HEATR1: variants seen among roughly 807,000 people sequenced by gnomAD.
The protein encoded by HEATR1 is HEAT repeat containing 1.
In HEATR1, 77 loss-of-function variants were observed where a neutral mutation model predicts 248.2. That is an observed-to-expected ratio of 0.31 (90% CI 0.26 to 0.37). The LOEUF is 0.37. Ranked by LOEUF, HEATR1 falls within the 10% of genes least tolerant of loss-of-function variation. The pLI, the probability that HEATR1 is intolerant of heterozygous loss-of-function variation, is 1.00. For missense variants in HEATR1, 2,420 were observed against 2,504.9 expected, an observed-to-expected ratio of 0.97 and a Z score of 0.72; for synonymous variants, 897 against 923.1, an observed-to-expected ratio of 0.97 and a Z score of 0.51.
chr1:236,602,562 G>A (rs1213138270), intron 3 of HEATR1, among the ~76,000 whole-genome samples: 2 of 152,186 alleles, frequency 1.3e-5, no homozygotes, highest in Non-Finnish European at 1.5e-5. Flanking sequence ...CAAGAAAGCA[G>A]CTTAGTACTC....
At chr1:236,584,996 C>G (rs1663845279) in intron 17 of HEATR1, 29 bp downstream of exon 17, 1 of 1,582,124 alleles carries the variant, frequency 6.3e-7, no homozygotes, top group African/African-American at 1.4e-5. Context: ...ATTCAACATC[C>G]CACTTTCTGG....
At chr1:236,558,610 T>A in intron 35 of HEATR1, 81 bp from the exon 36 acceptor site, 3 of 1,396,216 alleles carry the variant, frequency 2.1e-6, no homozygotes, top group Non-Finnish European at 2.9e-6. Flanking sequence ...CAGCTTGAGA[T>A]TGTCTAAATG....
rs762570268 is a variant in HEATR1 at position 236,604,061 on chromosome 1, G to A, written c.35C>T (p.Ala12Val). The A allele has an allele frequency of 2.5e-6, 4 of 1,581,280 alleles. No individual in the cohort carries two copies. Among genetic ancestry groups the A allele is most frequent in the East Asian group, 2.3e-5 (1 of 43,124 alleles). The change falls in exon 2 of 45, where the codon GCC becomes GTC. Residue 12 changes from alanine to valine, a missense_variant. Coordinates refer to ENST00000366582, the MANE Select transcript of HEATR1 (RefSeq NM_018072.6). ...GAGGCTGGCATCACTTTGAGGGAGGGCGAGTCGTTGCAGCTGCTGGGCTAA... is the reference window on the plus strand; with the variant it reads ...GAGGCTGGCATCACTTTGAGGGAGGACGAGTCGTTGCAGCTGCTGGGCTAA... Reference protein sequence around the residue: ...TSLAQQLQRLALPQSDASLLS... With the variant: ...TSLAQQLQRLVLPQSDASLLS...
chr1:236,571,545 C>T (rs376898856), intron 27 of HEATR1, 23 bp downstream of exon 27: 149 of 1,612,870 alleles, frequency 9.2e-5, no homozygotes, highest in Middle Eastern at 6.6e-4. Flanking sequence ...TTTTTCTAAC[C>T]TTTCCTTCCA....
rs528254758 is a variant in HEATR1 at position 236,598,184 on chromosome 1, A to G, written c.502-205T>C. 9.8e-5 allele frequency among the ~76,000 whole-genome samples: 15 copies of G among 152,370 alleles called. 1 individual carries two copies. In the South Asian group the frequency reaches 3.1e-3, roughly 32 times the overall value. On this transcript the variant is annotated intron_variant, in intron 4 of 44. Coordinates refer to ENST00000366582, the MANE Select transcript of HEATR1 (RefSeq NM_018072.6). ...AAAAGAGAAGGTCAGCAATGAGGGC[A>G]GAGGTATTTAGTGAAAGATGTTTGC... is the stretch of plus-strand genomic sequence containing the variant.
chr1:236,574,602 C>A, intron 23 of HEATR1, 59 bp downstream of exon 23: 1 of 1,532,542 alleles, frequency 6.5e-7, no homozygotes, highest in East Asian at 2.3e-5. Flanking sequence ...GTTCCTGTTG[C>A]CTTCTACCTT....
rs138103327 is a variant in HEATR1, at chr1:236,578,893, G to T, written c.2756-1944C>A. On this transcript the variant is annotated intron_variant, in intron 20 of 44. Transcript: ENST00000366582. The stretch of plus-strand genomic sequence containing the variant: ...GCATCTGTGAGACCAACTGCGCTAG[G>T]GTTTTTAAAAAGATGTCTTTGGAAC... Among the ~76,000 whole-genome samples the T allele has an allele frequency of 1.2e-3, 176 of 151,686 alleles. 2 individuals carry two copies. The highest frequency in any genetic ancestry group is 4.0e-3 in the African/African-American group (167 of 41,366).
intron 24 of HEATR1, 113 bp from the exon 25 acceptor site, chr1:236,572,941 C>A (rs1328623257): frequency 2.1e-6 from 2 of 947,070 alleles, no homozygotes; most frequent in African/African-American, 1.6e-5. Flanking sequence ...GAATGACTTA[C>A]TGGATATGCA....
rs1663930210 is a variant in HEATR1 at position 236,587,642 on chromosome 1, G to C, written c.1627-152C>G. ...AAGTTTTAAGATCTATTTCTCAAAA[G>C]TGGCATTCATAAGACAATTTCCACA... On this transcript the variant is annotated intron_variant, in intron 13 of 44. Coordinates refer to ENST00000366582, the MANE Select transcript of HEATR1 (RefSeq NM_018072.6). 1.1e-5 allele frequency: 5 copies of C among 450,576 alleles called. No individual in the cohort carries two copies. In the South Asian group the frequency reaches 2.6e-4, roughly 24 times the overall value. The allele number at this position is 450,576 out of a possible 1,614,324, so 27.9% of individuals were successfully genotyped here.
rs1185948772 is a variant in HEATR1, at chr1:236,555,583, A to T, written c.5722T>A (p.Ser1908Thr). ...DCLVAMVVKL[S>T]EVTFRPLFFK... ...AACAGGGGCCTGAATGTGACCTCGG[A>T]AAGTTTGACAACCATGGCTACTAGA... Residue 1908 changes from serine to threonine, a missense_variant, in exon 40 of 45, where the codon TCC (serine) becomes ACC (threonine). Transcript: ENST00000366582. 1.2e-6 allele frequency: 2 copies of T among 1,614,230 alleles called. No individual in the cohort carries two copies. The highest frequency in any genetic ancestry group is 4.5e-5 in the East Asian group (2 of 44,888).
chr1:236,566,804 C>T lies in HEATR1; in HGVS notation c.4150G>A (p.Val1384Met), dbSNP rs1401001587. ...TCCGGGACGTGTGGCAGCGCATCCA[C>T]AAATACACTAATGATTTTTACCACA... ...EIVVKIISVF[V>M]DALPHVPEHR... Residue 1384 changes from valine to methionine, a missense_variant, in exon 30 of 45, where the codon GTG (valine) becomes ATG (methionine). Physicochemically the swap from Val to Met is conservative, Grantham distance 21 (BLOSUM62 1). Coordinates refer to ENST00000366582, the MANE Select transcript of HEATR1 (RefSeq NM_018072.6). The T allele has an allele frequency of 6.2e-7, 1 of 1,614,002 alleles. No homozygotes were observed. The highest frequency in any genetic ancestry group is 1.7e-5 in the Admixed American group (1 of 60,000).
chr1:236,581,633 T>A (rs1424755770), intron 19 of HEATR1, among the ~76,000 whole-genome samples: 1 of 152,168 alleles, frequency 6.6e-6, no homozygotes, highest in Non-Finnish European at 1.5e-5. Flanking sequence ...ACCTTGCACT[T>A]GAAAACACAG....
chr1:236,595,753 C>A (rs775351611), intron 7 of HEATR1, 80 bp from the exon 8 acceptor site: 125 of 1,508,754 alleles, frequency 8.3e-5, no homozygotes, highest in Middle Eastern at 1.7e-4. Context: ...TATATAATCA[C>A]TTATCTTACA....
At position 236,555,602 on chromosome 1, in the gene HEATR1, T is replaced by C. The variant is rs1328185897; in HGVS notation, c.5703A>G (p.Val1901=). 6.2e-7 allele frequency: 1 copy of C among 1,614,256 alleles called. No individual in the cohort carries two copies. Among genetic ancestry groups the C allele is most frequent in the South Asian group, 1.1e-5 (1 of 91,084 alleles). ...KTENCIIDCL[V]AMVVKLSEVT... Reference sequence around the variant, plus strand: ...CCTCGGAAAGTTTGACAACCATGGCTACTAGACAGTCAATGATACAATTTT... The same window carrying C: ...CCTCGGAAAGTTTGACAACCATGGCCACTAGACAGTCAATGATACAATTTT... The change falls in exon 40 of 45, where the codon GTA becomes GTG. Residue 1901 remains valine, a synonymous_variant. Transcript: ENST00000366582.
At position 236,554,885 on chromosome 1, in the gene HEATR1, C is replaced by T. The variant is rs551909573; in HGVS notation, c.5924-133G>A. 49 of 781,970 alleles carry T rather than the reference C, an allele frequency of 6.3e-5. 1 individual carries two copies. In the South Asian group the frequency reaches 6.7e-4, roughly 11 times the overall value. The allele number at this position is 781,970 out of a possible 1,614,324, so 48.4% of individuals were successfully genotyped here. ...AATGATCTAGAAATCATAATCAGGA[C>T]GAAGGCAGAACACAATGGATGGTCT... On this transcript the variant is annotated intron_variant, in intron 41 of 44. Transcript: ENST00000366582.
chr1:236,574,269 A>G lies in HEATR1; in HGVS notation c.3392T>C (p.Leu1131Ser). The G allele has an allele frequency of 6.2e-7, 1 of 1,613,154 alleles. No homozygotes were observed. The highest frequency in any genetic ancestry group is 8.5e-7 in the Non-Finnish European group (1 of 1,179,544). ...TTTACAGTTCACCAATAAATCAAAC[A>G]ACATTCTTAAAAGCTTCTGCTGAAC... ...EKVQQKLLRMLFDLLVNCKNS... is the reference protein window; with the variant it reads ...EKVQQKLLRMSFDLLVNCKNS... The change falls in exon 24 of 45, where the codon TTG becomes TCG. Residue 1131 changes from leucine to serine, a missense_variant. Coordinates refer to ENST00000366582, the MANE Select transcript of HEATR1 (RefSeq NM_018072.6).
chr1:236,577,007 A>C, intron 20 of HEATR1, 58 bp from the exon 21 acceptor site: 1 of 1,336,282 alleles, frequency 7.5e-7, no homozygotes, highest in Non-Finnish European at 1.0e-6. Flanking sequence ...AACAGTACAA[A>C]ATTTACATAG....
chr1:236,574,195 A>G lies in HEATR1; in HGVS notation c.3459+7T>C. On this transcript the variant is annotated splice_region_variant and intron_variant, in intron 24 of 44. Transcript: ENST00000366582. ...ATAAAAAAAATTACAAGAAGTTTGC[A>G]GCTTACCCCTTTAAAAACACTGCTG... is the stretch of plus-strand genomic sequence containing the variant. 6.3e-7 allele frequency: 1 copy of G among 1,586,406 alleles called. No individual in the cohort carries two copies. The highest frequency in any genetic ancestry group is 8.5e-7 in the Non-Finnish European group (1 of 1,172,352).
Position 236,590,950 on chromosome 1 carries a change from A to G in HEATR1, c.1427T>C (p.Leu476Ser). Reference protein sequence around the residue: ...LSTSGGKYQFLADSDTSLMLS... With the variant: ...LSTSGGKYQFSADSDTSLMLS... ...CATCAAAGAAGTATCAGAATCTGCT[A>G]AAAACTACAGGGTTCAACATAGTTA... Residue 476 changes from leucine (L) to serine (S), a missense_variant, in exon 12 of 45, where the codon TTA becomes TCA. Transcript: ENST00000366582. 6.9e-7 allele frequency: 1 copy of G among 1,444,774 alleles called. No individual in the cohort carries two copies. Among genetic ancestry groups the G allele is most frequent in the Non-Finnish European group, 9.3e-7 (1 of 1,073,228 alleles). 89.5% of individuals were successfully genotyped at this position (1,444,774 alleles called of 1,614,324 possible). A position where few individuals can be genotyped will look rare whatever the true frequency, so the allele number is the denominator to read the frequency against.
Sources: gnomAD v4.1 joint callset for allele counts (sites outside exome capture counted in the v4.1 genomes callset) on GRCh38, gnomAD v4.1.1 for gene constraint, MANE v1.5 for transcripts, NCBI Gene and HGNC (gene_info 2026-07-23, HGNC 2026-07-21) for gene names.